The following NHSL1 variants were observed in gnomAD, a reference collection of about 807,000 sequenced individuals.
NHSL1 encodes the protein NHS like 1, also known as NHS-like protein 1.
Under a neutral mutation model 95.0 loss-of-function variants are expected in NHSL1, and 48 were observed. That is an observed-to-expected ratio of 0.51 (90% confidence interval 0.40 to 0.64). NHSL1 has a LOEUF of 0.64. NHSL1 is among the 30% of genes least tolerant of loss of function. NHSL1 has a pLI of 0.00. For missense variants in NHSL1, 1,971 were observed against 2,077.7 expected, an observed-to-expected ratio of 0.95 and a Z score of 1.00; for synonymous variants, 783 against 833.9, an observed-to-expected ratio of 0.94 and a Z score of 1.05.
intron 1 of NHSL1, among the ~76,000 whole-genome samples, chr6:138,605,366 C>T (rs1433462959): frequency 2.6e-5 from 4 of 152,204 alleles, no homozygotes; most frequent in African/African-American, 4.8e-5. Context: ...GCCAGGACAA[C>T]AGGCGTGCGC....
At chr6:138,652,259 T>C (rs1785102100) in intron 1 of NHSL1, among the ~76,000 whole-genome samples, 2 of 151,914 alleles carry the variant, frequency 1.3e-5, no homozygotes, top group African/African-American at 2.4e-5. Context: ...CTGACCAACA[T>C]GGAGAAACCC....
intron 1 of NHSL1, among the ~76,000 whole-genome samples, chr6:138,673,645 T>C (rs976501169): frequency 6.6e-6 from 1 of 152,160 alleles, no homozygotes; most frequent in Admixed American, 6.5e-5. Context: ...AAATGTGACC[T>C]CTCATTACTT....
chr6:138,561,662 C>T (rs9484173), intron 1 of NHSL1, among the ~76,000 whole-genome samples: 16,479 of 152,186 alleles, frequency 0.11, 1,634 homozygotes, highest in African/African-American at 0.27. Context: ...GCTCTCCAAA[C>T]ACAAGAACCC....
upstream of NHSL1, among the ~76,000 whole-genome samples, chr6:138,574,084 C>T (rs971700744): frequency 2.6e-5 from 4 of 152,054 alleles, no homozygotes; most frequent in African/African-American, 4.8e-5. Context: ...CCTGCCACCA[C>T]GCCTGGCTAA....
intron 1 of NHSL1, among the ~76,000 whole-genome samples, chr6:138,678,002 T>G (rs190622594): frequency 6.6e-6 from 1 of 152,268 alleles, no homozygotes; most frequent in East Asian, 1.9e-4. Flanking sequence ...TAAAGGTACT[T>G]TCTGTCAGTA....
intron 1 of NHSL1, among the ~76,000 whole-genome samples, chr6:138,601,705 G>A (rs796965713): frequency 5.3e-5 from 8 of 152,154 alleles, no homozygotes; most frequent in South Asian, 2.1e-4. Flanking sequence ...CCAGCTACTC[G>A]GGAGGCTGAG....
At chr6:138,456,425 A>G (rs1391473770) in intron 3 of NHSL1, among the ~76,000 whole-genome samples, 1 of 152,162 alleles carries the variant, frequency 6.6e-6, no homozygotes. Context: ...TCTTATCAAC[A>G]AAGCCTAAAA....
chr6:138,497,844 T>A (rs899443795), intron 1 of NHSL1, among the ~76,000 whole-genome samples: 1 of 152,216 alleles, frequency 6.6e-6, no homozygotes, highest in East Asian at 1.9e-4. Context: ...ATAACTCATT[T>A]TCAAAAGGAC....
At chr6:138,502,847 G>T (rs1780760501), upstream of NHSL1, among the ~76,000 whole-genome samples, 1 of 152,162 alleles carries the variant, frequency 6.6e-6, no homozygotes, top group Admixed American at 6.5e-5. Flanking sequence ...CCTTAGAACA[G>T]TACCTGGTAT....
At chr6:138,549,437 A>G (rs1250936431), upstream of NHSL1, among the ~76,000 whole-genome samples, 1 of 152,174 alleles carries the variant, frequency 6.6e-6, no homozygotes, top group Admixed American at 6.5e-5. Flanking sequence ...AGGTCATAAA[A>G]GATGGAGGCA....
chr6:138,424,712 G>A lies in NHSL1; in HGVS notation c.4190C>T (p.Ala1397Val). Residue 1397 changes from alanine (A) to valine (V), a missense_variant, in exon 8 of 8, where the codon GCC (alanine) becomes GTC (valine). Coordinates refer to ENST00000343505, the MANE Select transcript of NHSL1 (RefSeq NM_001144060.2). The surrounding 1 kb of genome is among the most constrained non-coding windows in gnomAD (Gnocchi z 5.9). ...VTPTGAAPSL[A>V]SPKQVGSIQR... ...AATCGACCCCACTTGCTTTGGAGAG[G>A]CCAGGCTTGGGGCAGCGCCGGTGGG... 6.4e-7 allele frequency: 1 copy of A among 1,551,632 alleles called. No individual in the cohort carries two copies. The highest frequency in any genetic ancestry group is 8.7e-7 in the Non-Finnish European group (1 of 1,146,988).
chr6:138,648,097 T>C (rs1356178584), intron 1 of NHSL1, among the ~76,000 whole-genome samples: 1 of 152,200 alleles, frequency 6.6e-6, no homozygotes, highest in Non-Finnish European at 1.5e-5. Flanking sequence ...TAGCACATAA[T>C]ACACTGATGA....
intron 1 of NHSL1, among the ~76,000 whole-genome samples, chr6:138,617,662 A>C (rs1784598606): frequency 6.6e-6 from 1 of 152,218 alleles, no homozygotes; most frequent in Non-Finnish European, 1.5e-5. Context: ...AGACACACAT[A>C]CACAAACACA....
At chr6:138,486,144 T>C (rs4896367) in intron 2 of NHSL1, among the ~76,000 whole-genome samples, 54,725 of 151,848 alleles carry the variant, frequency 0.36, 11,069 homozygotes, top group African/African-American at 0.55. Context: ...TCCATATCTG[T>C]AATCCTTTCC....
chr6:138,448,518 C>A (rs1171563009), intron 3 of NHSL1, among the ~76,000 whole-genome samples: 1 of 152,178 alleles, frequency 6.6e-6, no homozygotes, highest in African/African-American at 2.4e-5. Flanking sequence ...CTACCCCAAC[C>A]ACATACCCCC....
Position 138,557,862 on chromosome 6 carries a change from C to T in NHSL1, c.202+13848G>A, listed in dbSNP as rs983829612. On this transcript the variant is annotated intron_variant, in intron 1 of 6. Coordinates refer to the NHSL1 transcript ENST00000427025. ...TGCCACTCCCACAGAACTATCCTTA[C>T]GATGAAAAAAGACCATGCATGACTA... Among the ~76,000 whole-genome samples, 53 of 152,248 alleles carry T rather than the reference C, an allele frequency of 3.5e-4. 2 individuals are homozygous for T. The highest frequency in any genetic ancestry group is 3.1e-3 in the Admixed American group (48 of 15,298).
rs541011516 is a variant in NHSL1, at chr6:138,666,808, G to A, written c.96+25668C>T. 1.4e-4 allele frequency among the ~76,000 whole-genome samples: 21 copies of A among 152,174 alleles called. No homozygotes were observed. The South Asian group carries it at 2.9e-3, about 21-fold the overall frequency. On this transcript the variant is annotated intron_variant, in intron 1 of 3. Coordinates refer to the NHSL1 transcript ENST00000491526. Reference sequence around the variant, plus strand: ...TGAGGATGGACACTCAAATGTTGACGATGACTCGCTCTGAAGAGAGGCATG... The same window carrying A: ...TGAGGATGGACACTCAAATGTTGACAATGACTCGCTCTGAAGAGAGGCATG...
At chr6:138,633,611 G>T (rs1372125055) in intron 1 of NHSL1, among the ~76,000 whole-genome samples, 1 of 152,176 alleles carries the variant, frequency 6.6e-6, no homozygotes, top group Non-Finnish European at 1.5e-5. Flanking sequence ...AAAGGAGAAA[G>T]AAATTTGTCG....
intron 3 of NHSL1, among the ~76,000 whole-genome samples, chr6:138,471,999 T>C (rs1311117691): frequency 6.6e-6 from 1 of 152,064 alleles, no homozygotes; most frequent in Non-Finnish European, 1.5e-5. Context: ...CCAGCCAATA[T>C]GGTGAAACCC....
Sources: allele counts gnomAD v4.1 joint callset (sites outside exome capture counted in the v4.1 genomes callset), GRCh38; gene constraint gnomAD v4.1.1; non-coding constraint Gnocchi (gnomAD v3.1); transcripts MANE v1.5; gene names NCBI Gene and HGNC (gene_info 2026-07-23, HGNC 2026-07-21).